DAB1: variants seen among roughly 807,000 people sequenced by gnomAD.
The protein encoded by DAB1 is disabled homolog 1.
In DAB1, 15 loss-of-function variants were observed where a neutral mutation model predicts 64.6. The ratio of observed to expected loss-of-function variants is 0.23; its 90% CI spans 0.16 to 0.36. DAB1 has a LOEUF of 0.36. DAB1 is among the 10% of genes least tolerant of loss of function. The pLI, the probability that DAB1 is intolerant of heterozygous loss-of-function variation, is 1.00. For missense variants in DAB1, 596 were observed against 706.7 expected (o/e 0.84, Z 1.78); for synonymous variants, 235 against 251.9 (o/e 0.93, Z 0.64).
chr1:57,826,710 G>T (rs1225815950), intron 1 of DAB1, among the ~76,000 whole-genome samples: 1 of 152,180 alleles, frequency 6.6e-6, no homozygotes, highest in African/African-American at 2.4e-5. Context: ...GCCAGCAAGA[G>T]AAATAAATGT....
intron 7 of DAB1, among the ~76,000 whole-genome samples, chr1:57,613,945 A>G (rs1406972073): frequency 6.6e-6 from 1 of 152,196 alleles, no homozygotes; most frequent in African/African-American, 2.4e-5. Context: ...TTTCAGGTTG[A>G]TGTGAAGTTT....
chr1:57,160,041 C>T (rs1456492504), intron 2 of DAB1, among the ~76,000 whole-genome samples: 1 of 152,074 alleles, frequency 6.6e-6, no homozygotes, highest in Non-Finnish European at 1.5e-5. Context: ...TTTATTTTTA[C>T]ACACTTGCTT....
chr1:57,422,229 C>T (rs1412839555), intron 1 of DAB1, among the ~76,000 whole-genome samples: 1 of 152,192 alleles, frequency 6.6e-6, no homozygotes, highest in Non-Finnish European at 1.5e-5. Flanking sequence ...TTATTCAAAA[C>T]TATCAACACT....
intron 7 of DAB1, among the ~76,000 whole-genome samples, chr1:57,471,243 C>CT: frequency 6.6e-6 from 1 of 152,286 alleles, no homozygotes. Context: ...AATTTCAAAC[C>CT]TATCTGAAAT....
chr1:57,157,570 A>AAGAGAGAG (rs34642210), intron 2 of DAB1, among the ~76,000 whole-genome samples: 2 of 148,086 alleles, frequency 1.4e-5, no homozygotes, highest in African/African-American at 5.0e-5. Context: ...TGCACTGAGA[A>AAGAGAGAG]AGAGAGAGAG....
intron 3 of DAB1, among the ~76,000 whole-genome samples, chr1:58,375,656 G>GTC (rs1417932085): frequency 7.0e-6 from 1 of 142,356 alleles, no homozygotes; most frequent in East Asian, 2.0e-4. Flanking sequence ...TTTTGGTTGT[G>GTC]TCTCTGCCCG....
chr1:58,441,830 G>A (rs1050643381), intron 3 of DAB1, among the ~76,000 whole-genome samples: 1 of 152,218 alleles, frequency 6.6e-6, no homozygotes, highest in Non-Finnish European at 1.5e-5. Context: ...GGGAACAAGA[G>A]GAAATTAAAT....
At chr1:58,433,601 G>C (rs1005245226) in intron 3 of DAB1, among the ~76,000 whole-genome samples, 1 of 137,934 alleles carries the variant, frequency 7.2e-6, no homozygotes, top group African/African-American at 3.0e-5. Flanking sequence ...GAGAGAGTGT[G>C]TGTGTGTGTG....
chr1:57,137,901 G>A (rs1447430639), intron 3 of DAB1, among the ~76,000 whole-genome samples: 1 of 152,028 alleles, frequency 6.6e-6, no homozygotes, highest in East Asian at 1.9e-4. Flanking sequence ...ATATTCTGTG[G>A]AATCAGAATA....
chr1:57,897,125 A>G (rs926874183), intron 5 of DAB1, among the ~76,000 whole-genome samples: 49 of 152,322 alleles, frequency 3.2e-4, no homozygotes, highest in African/African-American at 1.0e-3. Context: ...CCTCAAGGCA[A>G]TTAGCGTAAT....
At chr1:58,051,237 C>T (rs1378914961) in intron 5 of DAB1, among the ~76,000 whole-genome samples, 1 of 151,324 alleles carries the variant, frequency 6.6e-6, no homozygotes, top group African/African-American at 2.4e-5. Context: ...TATGATGTTC[C>T]CTGCCCTGTG....
At chr1:58,377,768 A>C (rs1334694329) in intron 3 of DAB1, among the ~76,000 whole-genome samples, 1 of 138,172 alleles carries the variant, frequency 7.2e-6, no homozygotes, top group Non-Finnish European at 1.6e-5. Flanking sequence ...AATATCCTGC[A>C]GAGTGTTTTC....
chr1:57,716,641 C>T (rs1378744692), intron 6 of DAB1, among the ~76,000 whole-genome samples: 3 of 152,100 alleles, frequency 2.0e-5, no homozygotes, highest in African/African-American at 7.2e-5. Context: ...TAGAAGAAAA[C>T]ACAGGGGAAA....
chr1:57,994,117 A>G (rs1646389415), intron 5 of DAB1, among the ~76,000 whole-genome samples: 2 of 152,196 alleles, frequency 1.3e-5, no homozygotes, highest in Admixed American at 6.5e-5. Flanking sequence ...GCCTCTGACT[A>G]TTAAGTCTGG....
At chr1:58,019,631 A>G (rs1227988539) in intron 5 of DAB1, among the ~76,000 whole-genome samples, 2 of 152,178 alleles carry the variant, frequency 1.3e-5, no homozygotes, top group African/African-American at 4.8e-5. Context: ...CTGAGACCCA[A>G]CAGGATGTGA....
chr1:58,266,798 G>C (rs957182846), intron 4 of DAB1, among the ~76,000 whole-genome samples: 2 of 152,116 alleles, frequency 1.3e-5, no homozygotes, highest in Admixed American at 1.3e-4. Context: ...TAATAAATTG[G>C]CAAAGAGCTT....
chr1:57,729,151 G>A (rs113043029), intron 6 of DAB1, among the ~76,000 whole-genome samples: 2 of 152,250 alleles, frequency 1.3e-5, no homozygotes, highest in African/African-American at 4.8e-5. Flanking sequence ...AGGTAAGCAC[G>A]TATCCACAGA....
chr1:57,518,781 T>G (rs1244119186), intron 7 of DAB1, among the ~76,000 whole-genome samples: 1 of 152,174 alleles, frequency 6.6e-6, no homozygotes, highest in Non-Finnish European at 1.5e-5. Context: ...ATACCCTCCT[T>G]CTAATCCCAT....
At chr1:57,959,834 T>C (rs1645476122) in intron 5 of DAB1, among the ~76,000 whole-genome samples, 1 of 152,202 alleles carries the variant, frequency 6.6e-6, no homozygotes, top group Non-Finnish European at 1.5e-5. Flanking sequence ...ACCTTTCTGC[T>C]TCCATTTAAA....
Sources: gnomAD v4.1 joint callset for allele counts (sites outside exome capture counted in the v4.1 genomes callset) on GRCh38, gnomAD v4.1.1 for gene constraint, MANE v1.5 for transcripts, NCBI Gene and HGNC (gene_info 2026-07-23, HGNC 2026-07-21) for gene names.